Variants in B4GALT5 observed in about 807,000 individuals in gnomAD.
B4GALT5 encodes the protein beta-1,4-galactosyltransferase 5.
In B4GALT5, 11 loss-of-function variants were observed where a neutral mutation model predicts 45.0. The observed-to-expected ratio is 0.24, with a 90% CI of 0.15 to 0.40. The LOEUF is 0.40. B4GALT5 is among the 10% of genes least tolerant of loss of function. The pLI, the probability that B4GALT5 is intolerant of heterozygous loss-of-function variation, is 1.00. For synonymous variants in B4GALT5, 185 were observed against 182.9 expected, an observed-to-expected ratio of 1.01 and a Z score of -0.09; for missense variants, 337 against 500.2, an observed-to-expected ratio of 0.67 and a Z score of 3.11.
At chr20:49,672,951 T>C (rs2085722137) in intron 1 of B4GALT5, among the ~76,000 whole-genome samples, 1 of 152,208 alleles carries the variant, frequency 6.6e-6, no homozygotes, top group Admixed American at 6.5e-5. Flanking sequence ...AGAGATCAGA[T>C]AGGTACCACT....
intron 1 of B4GALT5, among the ~76,000 whole-genome samples, chr20:49,668,228 T>TA (rs1568724223): frequency 6.6e-6 from 1 of 152,100 alleles, no homozygotes; most frequent in Non-Finnish European, 1.5e-5. Flanking sequence ...TCCTAGCTAT[T>TA]AAAAAAATCC....
chr20:49,640,683 T>G lies in B4GALT5; in HGVS notation c.607-18A>C. The G allele has an allele frequency of 6.4e-7, 1 of 1,570,492 alleles. No homozygotes were observed. Among genetic ancestry groups the G allele is most frequent in the Non-Finnish European group, 8.6e-7 (1 of 1,163,682 alleles). On this transcript the variant is annotated intron_variant, in intron 5 of 8. Coordinates refer to ENST00000371711, the MANE Select transcript of B4GALT5 (RefSeq NM_004776.4). ...GTACCAACCTAAAAGAAACAGAACT[T>G]TATCTTTAAAAGAATCTTGAAGGAA...
At chr20:49,712,156 T>C (rs1370714120) in intron 1 of B4GALT5, among the ~76,000 whole-genome samples, 1 of 152,232 alleles carries the variant, frequency 6.6e-6, no homozygotes, top group Non-Finnish European at 1.5e-5. Context: ...GGAAGTTACA[T>C]GTAATAGCTG....
At chr20:49,641,179 T>G (rs936964350) in intron 5 of B4GALT5, among the ~76,000 whole-genome samples, 5 of 152,128 alleles carry the variant, frequency 3.3e-5, no homozygotes, top group Non-Finnish European at 5.9e-5. Flanking sequence ...ATGTAAGTGA[T>G]AGCAAACGCA....
chr20:49,674,690 A>G (rs1250144458), intron 1 of B4GALT5, among the ~76,000 whole-genome samples: 1 of 138,564 alleles, frequency 7.2e-6, no homozygotes, highest in Non-Finnish European at 1.5e-5. Flanking sequence ...CATCCCTATT[A>G]AAAAAAAAAA....
At chr20:49,665,550 A>G (rs1459862612) in intron 1 of B4GALT5, among the ~76,000 whole-genome samples, 1 of 151,218 alleles carries the variant, frequency 6.6e-6, no homozygotes, top group East Asian at 1.9e-4. Context: ...GAGATGATGA[A>G]TTCTTTTATA....
At chr20:49,645,341 T>G (rs544920826) in intron 3 of B4GALT5, among the ~76,000 whole-genome samples, 1 of 152,102 alleles carries the variant, frequency 6.6e-6, no homozygotes, top group Non-Finnish European at 1.5e-5. Flanking sequence ...CACAATGGAG[T>G]TGAAAAATTC....
In B4GALT5 at chr20:49,667,526, T is replaced by C. The variant is rs1420944208; in HGVS notation, c.116-10824A>G. ...CCTTGGCCTCCCAAAGTGCTGGGAT[T>C]ACAGGTGTGAGCCACCGCGCCCGGC... On this transcript the variant is annotated intron_variant, in intron 1 of 8. Coordinates refer to ENST00000371711, the MANE Select transcript of B4GALT5 (RefSeq NM_004776.4). Among the ~76,000 whole-genome samples the C allele has an allele frequency of 2.6e-5, 4 of 151,978 alleles. No homozygotes were observed. The East Asian group carries it at 7.7e-4, about 29-fold the overall frequency.
At chr20:49,651,959 G>A (rs1032617360) in intron 2 of B4GALT5, among the ~76,000 whole-genome samples, 66 of 147,688 alleles carry the variant, frequency 4.5e-4, no homozygotes, top group African/African-American at 1.6e-3. Flanking sequence ...CCCACCTGGT[G>A]TCCCAGCTAC....
At position 49,713,614 on chromosome 20, in the gene B4GALT5, G is replaced by A. The variant is rs765941961; in HGVS notation, c.77C>T (p.Ser26Phe). ...CACATAGACGAAGTACAGCAGCGAG[G>A]ACGAGAGAGAAAAGAAGAAGAGCGC... Reference protein sequence around the residue: ...LAALFFFSLSSSLLYFVYVAP... With the variant: ...LAALFFFSLSFSLLYFVYVAP... The change falls in exon 1 of 9, where the codon TCC becomes TTC. Residue 26 changes from serine (S) to phenylalanine (F), a missense_variant. Transcript: ENST00000371711. The A allele has an allele frequency of 6.3e-7, 1 of 1,589,986 alleles. No homozygotes were observed. Among genetic ancestry groups the A allele is most frequent in the Non-Finnish European group, 8.5e-7 (1 of 1,170,026 alleles).
intron 4 of B4GALT5, among the ~76,000 whole-genome samples, 194 bp from the exon 5 acceptor site, chr20:49,642,778 T>G (rs554161071): frequency 6.6e-6 from 1 of 152,230 alleles, no homozygotes; most frequent in African/African-American, 2.4e-5. Flanking sequence ...TTCTTACATA[T>G]ACCATATCTT....
intron 1 of B4GALT5, among the ~76,000 whole-genome samples, chr20:49,682,337 A>G (rs1235266863): frequency 6.6e-6 from 1 of 152,222 alleles, no homozygotes; most frequent in Non-Finnish European, 1.5e-5. Context: ...GCAGAGTCGA[A>G]AACGTTTACA....
chr20:49,684,666 A>G (rs2146351052), intron 1 of B4GALT5: 1 of 518,546 alleles, frequency 1.9e-6, no homozygotes, highest in South Asian at 1.4e-5. Flanking sequence ...TACAACAGAA[A>G]GAAATCAAGG....
intron 1 of B4GALT5, among the ~76,000 whole-genome samples, chr20:49,662,684 C>A (rs796132284): frequency 8.5e-5 from 13 of 152,238 alleles, no homozygotes; most frequent in African/African-American, 3.1e-4. Flanking sequence ...CATTCCTTTC[C>A]ACCAATTGAG....
intron 8 of B4GALT5, 72 bp from the exon 9 acceptor site, chr20:49,636,531 C>A: frequency 6.5e-7 from 1 of 1,544,824 alleles, no homozygotes; most frequent in Non-Finnish European, 8.9e-7. Context: ...GAGGATGGAG[C>A]AGGGCGTCCC....
rs1003192225 is a variant in B4GALT5, at chr20:49,634,909, G to C, written c.*1403C>G. The C allele has an allele frequency of 6.6e-6, 1 of 152,220 alleles. No homozygotes were observed. Among genetic ancestry groups the C allele is most frequent in the African/African-American group, 2.4e-5 (1 of 41,430 alleles). The allele number at this position is 152,220 out of a possible 1,614,324, so 9.4% of individuals were successfully genotyped here. A position where few individuals can be genotyped will look rare whatever the true frequency, so the allele number is the denominator to read the frequency against. On this transcript the variant is annotated 3_prime_UTR_variant, in exon 9 of 9. Coordinates refer to ENST00000371711, the MANE Select transcript of B4GALT5 (RefSeq NM_004776.4). The stretch of plus-strand genomic sequence containing the variant: ...AATATGACTTCAAAATGCAGGTGGG[G>C]GTGTGAGCAGTGCACCTGGGCTCTT...
At position 49,704,458 on chromosome 20, in the gene B4GALT5, G is replaced by A. The variant is rs965512025; in HGVS notation, c.115+9118C>T. On this transcript the variant is annotated intron_variant, in intron 1 of 8. Transcript: ENST00000371711. ...ATTGCGGCCGGGCGCGGTGGCTCAC[G>A]CCTGTAATCCCAGCACTTTGGGAGG... Among the ~76,000 whole-genome samples, 24 of 152,054 alleles carry A rather than the reference G, an allele frequency of 1.6e-4. 1 individual carries two copies. The highest frequency in any genetic ancestry group is 3.9e-4 in the East Asian group (2 of 5,194).
chr20:49,656,044 T>C (rs1172225668), intron 2 of B4GALT5, among the ~76,000 whole-genome samples: 1 of 151,694 alleles, frequency 6.6e-6, no homozygotes, highest in Non-Finnish European at 1.5e-5. Context: ...ATGATGGAGG[T>C]GGGGCCTACA....
At chr20:49,665,918 A>C (rs536959996) in intron 1 of B4GALT5, among the ~76,000 whole-genome samples, 1 of 152,028 alleles carries the variant, frequency 6.6e-6, no homozygotes, top group Non-Finnish European at 1.5e-5. Flanking sequence ...CGAAGGTTGC[A>C]TATGGCAAGA....
Sources: allele counts gnomAD v4.1 joint callset (sites outside exome capture counted in the v4.1 genomes callset), GRCh38; gene constraint gnomAD v4.1.1; transcripts MANE v1.5; gene names NCBI Gene and HGNC (gene_info 2026-07-23, HGNC 2026-07-21).